Variants in SLC60A2 observed in about 807,000 individuals in gnomAD.
The protein encoded by SLC60A2 is major facilitator superfamily domain containing 4B.
chr6:111,261,628 C>G, the SLC60A2 span, among the ~76,000 whole-genome samples: 1 of 152,132 alleles, frequency 6.6e-6, no homozygotes, highest in Non-Finnish European at 1.5e-5. Context: ...GAGTCTCGCT[C>G]TGTCGCCCAG....
At chr6:111,272,007 T>G in the SLC60A2 span, among the ~76,000 whole-genome samples, 1 of 152,056 alleles carries the variant, frequency 6.6e-6, no homozygotes, top group African/African-American at 2.4e-5. Flanking sequence ...ATCATGGCAA[T>G]GTGTCACTCA....
At chr6:111,260,741 G>A in the SLC60A2 span, among the ~76,000 whole-genome samples, 20 of 152,182 alleles carry the variant, frequency 1.3e-4, no homozygotes, top group Non-Finnish European at 2.4e-4. Context: ...GATTGGGGGC[G>A]GTGGGGAGGG....
chr6:111,266,157 A>AT, the SLC60A2 span: 297 of 1,605,818 alleles, frequency 1.8e-4, no homozygotes, highest in African/African-American at 2.0e-3. Flanking sequence ...AGTTTCTGTC[A>AT]TTTTTTTTTG....
the SLC60A2 span, chr6:111,267,035 G>A: frequency 6.2e-7 from 1 of 1,614,078 alleles, no homozygotes; most frequent in Non-Finnish European, 8.5e-7. Context: ...CAAATGCACT[G>A]GTGTTTGAGT....
At chr6:111,277,626 TTC>T in the SLC60A2 span, among the ~76,000 whole-genome samples, 1 of 152,206 alleles carries the variant, frequency 6.6e-6, no homozygotes, top group Admixed American at 6.5e-5. Flanking sequence ...ATGACAAAAT[TTC>T]TATCAGCGGA....
chr6:111,279,209 T>G, the SLC60A2 span, among the ~76,000 whole-genome samples: 2 of 152,158 alleles, frequency 1.3e-5, no homozygotes, highest in Admixed American at 6.5e-5. Flanking sequence ...ACTTACAGAT[T>G]GATTAAGTTA....
the SLC60A2 span, among the ~76,000 whole-genome samples, chr6:111,271,860 G>A: frequency 6.8e-6 from 1 of 146,980 alleles, no homozygotes; most frequent in Non-Finnish European, 1.5e-5. Flanking sequence ...TCCCACTTCT[G>A]GGGAGGCTGA....
chr6:111,273,848 T>C, the SLC60A2 span, among the ~76,000 whole-genome samples: 1 of 152,068 alleles, frequency 6.6e-6, no homozygotes, highest in Non-Finnish European at 1.5e-5. Flanking sequence ...GCTTCAGCCT[T>C]TTGAGTAGTT....
the SLC60A2 span, chr6:111,259,680 C>G: frequency 6.3e-7 from 1 of 1,596,122 alleles, no homozygotes; most frequent in Non-Finnish European, 8.5e-7. Flanking sequence ...CGGGAGCAAG[C>G]TGCGGTGGTT....
At chr6:111,267,866 T>G in the SLC60A2 span, 1 of 152,234 alleles carries the variant, frequency 6.6e-6, no homozygotes, top group East Asian at 1.9e-4. Flanking sequence ...TTACCTTATC[T>G]GTAGGGTTGG....
At chr6:111,274,401 T>C in the SLC60A2 span, among the ~76,000 whole-genome samples, 1 of 152,224 alleles carries the variant, frequency 6.6e-6, no homozygotes, top group African/African-American at 2.4e-5. Context: ...ACGGGTGAAG[T>C]GAGTTTTTTG....
the SLC60A2 span, chr6:111,263,992 G>A: frequency 2.0e-6 from 2 of 989,398 alleles, no homozygotes; most frequent in Non-Finnish European, 3.2e-6. Flanking sequence ...GGACTTGCTA[G>A]AAGAAGTACA....
chr6:111,259,561 G>C, the SLC60A2 span: 13 of 821,920 alleles, frequency 1.6e-5, no homozygotes, highest in African/African-American at 2.1e-4. Flanking sequence ...GTGGAGCTCC[G>C]TGGGGCCGGG....
chr6:111,276,851 A>G, the SLC60A2 span, among the ~76,000 whole-genome samples: 1 of 152,296 alleles, frequency 6.6e-6, no homozygotes, highest in Non-Finnish European at 1.5e-5. Flanking sequence ...CCCATCTTCT[A>G]TATATCTCTG....
At chr6:111,279,465 G>A in the SLC60A2 span, among the ~76,000 whole-genome samples, 1 of 151,908 alleles carries the variant, frequency 6.6e-6, no homozygotes, top group African/African-American at 2.4e-5. Context: ...AGCCAGGATG[G>A]TCTTGATCTC....
the SLC60A2 span, among the ~76,000 whole-genome samples, chr6:111,279,355 G>A: frequency 2.0e-5 from 3 of 151,374 alleles, no homozygotes; most frequent in Non-Finnish European, 2.9e-5. Flanking sequence ...TTCACCTCCC[G>A]GGTTCACGCC....
At chr6:111,279,330 C>G in the SLC60A2 span, among the ~76,000 whole-genome samples, 1 of 151,078 alleles carries the variant, frequency 6.6e-6, no homozygotes, top group Non-Finnish European at 1.5e-5. Flanking sequence ...GGCGCTATCT[C>G]AGCTCACTGC....
the SLC60A2 span, chr6:111,262,266 G>A: frequency 6.2e-7 from 1 of 1,612,192 alleles, no homozygotes; most frequent in Non-Finnish European, 8.5e-7. Context: ...GGGATTGAGT[G>A]TTGCTATAGT....
At chr6:111,268,804 T>G in the SLC60A2 span, 1 of 152,224 alleles carries the variant, frequency 6.6e-6, no homozygotes, top group Admixed American at 6.5e-5. Context: ...GGTTTCTCTT[T>G]CCTGAGTCTG....
Sources: allele counts gnomAD v4.1 joint callset (sites outside exome capture counted in the v4.1 genomes callset), GRCh38; gene constraint gnomAD v4.1.1; transcripts MANE v1.5; gene names NCBI Gene and HGNC (gene_info 2026-07-23, HGNC 2026-07-21).